Variants in OGA observed in about 807,000 individuals in gnomAD.
OGA encodes protein O-GlcNAcase.
In OGA, 21 loss-of-function variants were observed where a neutral mutation model predicts 102.0. That is an observed-to-expected ratio of 0.21 (90% CI 0.15 to 0.30). The LOEUF is 0.30. OGA is among the 10% of genes least tolerant of loss of function. OGA has a pLI of 1.00. For synonymous variants in OGA, 408 were observed against 378.2 expected (o/e 1.08, Z -0.91); for missense variants, 765 against 1,107.8 (o/e 0.69, Z 4.39).
At chr10:101,793,776 A>C (rs1025372856) in intron 11 of OGA, 137 bp downstream of exon 11, 1 of 637,556 alleles carries the variant, frequency 1.6e-6, no homozygotes, top group Admixed American at 2.7e-5. Context: ...TGATTTAAAA[A>C]TCCAGCTATG....
chr10:101,786,408 T>G lies in OGA; in HGVS notation c.*43A>C. On this transcript the variant is annotated 3_prime_UTR_variant, in exon 16 of 16. Coordinates refer to ENST00000361464, the MANE Select transcript of OGA (RefSeq NM_012215.5). ...AAGACCTCAACTACCATTCACAAGG[T>G]GCAGTTAAGAGACTTTTGGACAGTT... 2 of 1,530,706 alleles carry G rather than the reference T, an allele frequency of 1.3e-6. No individual in the cohort carries two copies. The highest frequency in any genetic ancestry group is 1.8e-6 in the Non-Finnish European group (2 of 1,141,526). The allele number at this position is 1,530,706 out of a possible 1,614,324, so 94.8% of individuals were successfully genotyped here.
intron 3 of OGA, among the ~76,000 whole-genome samples, chr10:101,810,566 G>A (rs1589839388): frequency 6.6e-6 from 1 of 152,148 alleles, no homozygotes; most frequent in South Asian, 2.1e-4. Flanking sequence ...AAAATAAGAG[G>A]CCCTTCTTTT....
chr10:101,796,945 G>C (rs2135047386), intron 10 of OGA: 1 of 151,360 alleles, frequency 6.6e-6, no homozygotes, highest in East Asian at 1.9e-4. Flanking sequence ...TGTTATTACA[G>C]CAATCCAAAA....
intron 10 of OGA, 75 bp from the exon 11 acceptor site, chr10:101,794,073 G>A (rs2065288892): frequency 1.0e-6 from 1 of 993,982 alleles, no homozygotes; most frequent in East Asian, 2.5e-5. Context: ...CCAACAAACT[G>A]ACAAACACTT....
chr10:101,811,580 G>A (rs771801464), intron 3 of OGA, among the ~76,000 whole-genome samples: 1 of 151,990 alleles, frequency 6.6e-6, no homozygotes, highest in Non-Finnish European at 1.5e-5. Flanking sequence ...ACCCGCGCTT[G>A]TAGTCCCAGC....
In OGA at chr10:101,793,224, C is replaced by T. The variant is rs559280715; in HGVS notation, c.2071-281G>A. ...AACAAAAACAAAAACAAACCTATTC[C>T]AATTATGACAAATCTATTTTTTTTT... On this transcript the variant is annotated intron_variant, in intron 11 of 15. Transcript: ENST00000361464. 2.6e-5 allele frequency among the ~76,000 whole-genome samples: 4 copies of T among 152,188 alleles called. No homozygotes were observed. The East Asian group carries it at 7.7e-4, about 29-fold the overall frequency.
chr10:101,796,552 G>A (rs937857431), intron 10 of OGA, among the ~76,000 whole-genome samples: 3 of 151,622 alleles, frequency 2.0e-5, no homozygotes, highest in Admixed American at 1.3e-4. Flanking sequence ...GAGCCGCTGC[G>A]CACGGTCAGT....
intron 6 of OGA, among the ~76,000 whole-genome samples, chr10:101,805,523 C>T (rs997155172): frequency 1.5e-4 from 23 of 151,684 alleles, no homozygotes; most frequent in African/African-American, 5.1e-4. Context: ...GGTGTGGTGG[C>T]GTGTGCCTGT....
chr10:101,806,953 A>C (rs376428936), intron 5 of OGA, among the ~76,000 whole-genome samples: 2 of 152,308 alleles, frequency 1.3e-5, no homozygotes, highest in East Asian at 1.9e-4. Context: ...CGGTCTCTAA[A>C]TAAATAATAC....
At chr10:101,788,421 GAAAAA>G (rs767434249) in intron 14 of OGA, among the ~76,000 whole-genome samples, 2 of 102,270 alleles carry the variant, frequency 2.0e-5, no homozygotes, top group South Asian at 3.3e-4. Flanking sequence ...CCTGGGCGGG[GAAAAA>G]AAAAAAAAAA....
Position 101,807,895 on chromosome 10 carries a change from G to T in OGA, c.487C>A (p.Gln163Lys). ...TLKRKLDQVSQFGCRSFALLF... is the reference protein window; with the variant it reads ...TLKRKLDQVSKFGCRSFALLF... ...AAAGCAAATGATCTGCACCCAAACT[G>T]AGAAACCTAGGAGAAAAAAAAAAAA... The change falls in exon 5 of 16, where the codon CAG (glutamine) becomes AAG (lysine). Residue 163 changes from glutamine (Q) to lysine (K), a missense_variant. Transcript: ENST00000361464. 6.8e-7 allele frequency: 1 copy of T among 1,469,264 alleles called. No individual in the cohort carries two copies. Among genetic ancestry groups the T allele is most frequent in the South Asian group, 1.5e-5 (1 of 68,778 alleles). The allele number at this position is 1,469,264 out of a possible 1,614,324, so 91.0% of individuals were successfully genotyped here. A position where few individuals can be genotyped will look rare whatever the true frequency, so the allele number is the denominator to read the frequency against.
At chr10:101,788,250 C>G (rs960155836) in intron 14 of OGA, among the ~76,000 whole-genome samples, 2 of 150,424 alleles carry the variant, frequency 1.3e-5, no homozygotes, top group Admixed American at 6.6e-5. Context: ...CCAGCCTGGG[C>G]AACAAAGTAA....
chr10:101,796,419 G>A (rs980023111), intron 10 of OGA, among the ~76,000 whole-genome samples: 3 of 151,916 alleles, frequency 2.0e-5, no homozygotes, highest in South Asian at 2.1e-4. Context: ...ATGCCACCAC[G>A]CCCAGCTAAT....
In OGA at chr10:101,807,838, C is replaced by G. The variant is rs1382232530; in HGVS notation, c.544G>C (p.Ala182Pro). The change falls in exon 5 of 16, where the codon GCA (alanine) becomes CCA (proline). Residue 182 changes from alanine (A) to proline (P), a missense_variant. By Grantham distance (27) the Ala-to-Pro change is conservative. Coordinates refer to ENST00000361464, the MANE Select transcript of OGA (RefSeq NM_012215.5). ...GAACTGAATACCTCTTTGTCTGCTGCACACATATTATGGTCTATATCATCA... is the reference window on the plus strand; with the variant it reads ...GAACTGAATACCTCTTTGTCTGCTGGACACATATTATGGTCTATATCATCA... ...LFDDIDHNMC[A>P]ADKEVFSSFA... is the part of the protein sequence containing the mutation. The G allele has an allele frequency of 1.2e-6, 2 of 1,609,812 alleles. No individual in the cohort carries two copies. Among genetic ancestry groups the G allele is most frequent in the Non-Finnish European group, 1.7e-6 (2 of 1,178,298 alleles).
intron 6 of OGA, among the ~76,000 whole-genome samples, chr10:101,805,522 G>A (rs1057323336): frequency 7.2e-5 from 11 of 152,036 alleles, no homozygotes; most frequent in Admixed American, 7.2e-4. Flanking sequence ...GGGTGTGGTG[G>A]CGTGTGCCTG....
rs202160722 is a variant in OGA at position 101,810,256 on chromosome 10, C to A, written c.408G>T (p.Ala136=). 1.2e-6 allele frequency: 2 copies of A among 1,610,924 alleles called. No individual in the cohort carries two copies. The highest frequency in any genetic ancestry group is 1.7e-6 in the Non-Finnish European group (2 of 1,177,368). ...AREYEIEFIY[A]ISPGLDITFS... ...AAGTGATATCCAATCCAGGTGAGAT[C>A]GCATAGATGAACTCTATCTCATATT... Residue 136 remains alanine, a synonymous_variant, in exon 4 of 16, where the codon GCG becomes GCT. Transcript: ENST00000361464.
chr10:101,797,594 C>T (rs1056085958), intron 10 of OGA: 1 of 340,856 alleles, frequency 2.9e-6, no homozygotes, highest in African/African-American at 2.1e-5. Flanking sequence ...TTAAACATAG[C>T]ATTAATGTTA....
intron 9 of OGA, 144 bp from the exon 10 acceptor site, chr10:101,798,298 T>C: frequency 1.4e-6 from 1 of 738,402 alleles, no homozygotes; most frequent in Non-Finnish European, 2.2e-6. Context: ...CTCCCCAAAC[T>C]GACAAATATT....
At chr10:101,810,071 A>G in intron 4 of OGA, 113 bp downstream of exon 4, 1 of 1,126,570 alleles carries the variant, frequency 8.9e-7, no homozygotes, top group Non-Finnish European at 1.2e-6. Flanking sequence ...CAAACAAAAA[A>G]AGAAAACAAA....
Sources: allele counts gnomAD v4.1 joint callset (sites outside exome capture counted in the v4.1 genomes callset), GRCh38; gene constraint gnomAD v4.1.1; transcripts MANE v1.5; gene names NCBI Gene and HGNC (gene_info 2026-07-23, HGNC 2026-07-21).